SPIDR: variants seen among roughly 807,000 people sequenced by gnomAD.
SPIDR encodes the protein DNA repair-scaffolding protein.
In SPIDR, 93 loss-of-function variants were observed where a neutral mutation model predicts 104.6. That is an observed-to-expected ratio of 0.89 (90% CI 0.75 to 1.06). The LOEUF (loss-of-function observed/expected upper bound fraction) is 1.06. SPIDR is among the 50% of genes least tolerant of loss of function. SPIDR has a pLI of 0.00. For synonymous variants in SPIDR, 431 were observed against 416.9 expected, an observed-to-expected ratio of 1.03 and a Z score of -0.41; for missense variants, 1,154 against 1,111.2, an observed-to-expected ratio of 1.04 and a Z score of -0.55.
chr8:47,462,732 G>A (rs1358176082), intron 8 of SPIDR, among the ~76,000 whole-genome samples: 1 of 152,110 alleles, frequency 6.6e-6, no homozygotes, highest in Non-Finnish European at 1.5e-5. Context: ...GATTAGAGTG[G>A]AGATGAAAGA....
intron 10 of SPIDR, among the ~76,000 whole-genome samples, chr8:47,621,273 T>G (rs2065134721): frequency 6.6e-6 from 1 of 152,232 alleles, no homozygotes; most frequent in South Asian, 2.1e-4. Flanking sequence ...TGGGTTTTAG[T>G]GTGTTCACAA....
intron 5 of SPIDR, among the ~76,000 whole-genome samples, chr8:47,385,999 ATAT>A (rs1213248223): frequency 1.3e-5 from 2 of 152,076 alleles, no homozygotes; most frequent in East Asian, 3.8e-4. Flanking sequence ...CTTTATAAAA[ATAT>A]TTTGATTTTT....
intron 10 of SPIDR, among the ~76,000 whole-genome samples, chr8:47,663,893 C>T (rs1203593977): frequency 6.6e-6 from 1 of 152,218 alleles, no homozygotes; most frequent in East Asian, 1.9e-4. Flanking sequence ...CTCCAACAAA[C>T]ATTTAGCTGG....
intron 5 of SPIDR, among the ~76,000 whole-genome samples, chr8:47,294,786 A>G (rs2040543831): frequency 6.6e-6 from 1 of 152,172 alleles, no homozygotes; most frequent in Non-Finnish European, 1.5e-5. Context: ...ATGTGCCACC[A>G]CGTCTGGCTA....
intron 8 of SPIDR, among the ~76,000 whole-genome samples, chr8:47,453,048 A>G (rs1318559581): frequency 2.0e-5 from 3 of 152,184 alleles, no homozygotes; most frequent in Admixed American, 6.5e-5. Context: ...AAAAATCACA[A>G]GCATTCTTAT....
intron 5 of SPIDR, among the ~76,000 whole-genome samples, chr8:47,338,683 C>G (rs989656671): frequency 6.6e-6 from 1 of 152,286 alleles, no homozygotes; most frequent in East Asian, 1.9e-4. Context: ...TATCTATTTT[C>G]TATCTAATGT....
In SPIDR at chr8:47,276,005, C is replaced by T. The variant is rs369612721; in HGVS notation, c.34-3857C>T. ...CTGAGTAGCTGGGACTACAGGAACACGCCACCAGGCCTGGCTAATTTTTGT... is the reference window on the plus strand; with the variant it reads ...CTGAGTAGCTGGGACTACAGGAACATGCCACCAGGCCTGGCTAATTTTTGT... On this transcript the variant is annotated intron_variant, in intron 1 of 19. Coordinates refer to ENST00000297423, the MANE Select transcript of SPIDR (RefSeq NM_001080394.4). 3.9e-3 allele frequency among the ~76,000 whole-genome samples: 587 copies of T among 152,186 alleles called. 3 individuals carry two copies. The highest frequency in any genetic ancestry group is 0.022 in the South Asian group (107 of 4,816).
intron 5 of SPIDR, among the ~76,000 whole-genome samples, chr8:47,338,103 C>T (rs576259515): frequency 1.3e-4 from 20 of 152,166 alleles, no homozygotes; most frequent in Admixed American, 2.0e-4. Context: ...GTAAGCTTTT[C>T]CATTTCTGTA....
chr8:47,574,484 G>A (rs1170077752), intron 8 of SPIDR, among the ~76,000 whole-genome samples: 2 of 152,144 alleles, frequency 1.3e-5, no homozygotes, highest in African/African-American at 4.8e-5. Context: ...CAGGCCGGAT[G>A]TGGTGGCTCA....
intron 10 of SPIDR, among the ~76,000 whole-genome samples, chr8:47,640,529 A>C (rs1160155966): frequency 6.6e-6 from 1 of 152,230 alleles, no homozygotes; most frequent in Non-Finnish European, 1.5e-5. Context: ...GTGAGGAAAA[A>C]ATGTTTTGTC....
Position 47,713,327 on chromosome 8 carries a change from G to A in SPIDR, c.2189-162G>A, listed in dbSNP as rs2154488716. On this transcript the variant is annotated intron_variant, in intron 15 of 19. Coordinates refer to ENST00000297423, the MANE Select transcript of SPIDR (RefSeq NM_001080394.4). ...TGAGTGCTTTTTTAGCTTAGCTCAT[G>A]GGGTTCAGGAGTGTGCACACACAAT... 3.2e-6 allele frequency: 3 copies of A among 950,206 alleles called. No homozygotes were observed. The South Asian group carries it at 5.3e-5, about 17-fold the overall frequency. The allele number at this position is 950,206 out of a possible 1,614,324, so 58.9% of individuals were successfully genotyped here.
intron 8 of SPIDR, among the ~76,000 whole-genome samples, chr8:47,482,289 G>A (rs1321408861): frequency 6.6e-6 from 1 of 152,156 alleles, no homozygotes; most frequent in African/African-American, 2.4e-5. Context: ...GGGAGGCTGA[G>A]CCGAGCATAG....
At chr8:47,470,478 AG>A (rs1491100663) in intron 8 of SPIDR, among the ~76,000 whole-genome samples, 1 of 150,990 alleles carries the variant, frequency 6.6e-6, no homozygotes, top group African/African-American at 2.4e-5. Flanking sequence ...TGGTAGAGAC[AG>A]GGTTTCACCA....
intron 15 of SPIDR, 181 bp from the exon 16 acceptor site, chr8:47,713,308 C>CT: frequency 1.2e-6 from 1 of 814,642 alleles, no homozygotes. Context: ...CATTTGAGTG[C>CT]TTTTTTAGCT....
chr8:47,303,863 G>T (rs1420770884), intron 5 of SPIDR, among the ~76,000 whole-genome samples: 1 of 152,122 alleles, frequency 6.6e-6, no homozygotes, highest in Non-Finnish European at 1.5e-5. Flanking sequence ...TTTTAGTAGA[G>T]ACAGGGTTTC....
At chr8:47,427,745 G>A (rs141885037) in intron 7 of SPIDR, among the ~76,000 whole-genome samples, 2 of 152,200 alleles carry the variant, frequency 1.3e-5, no homozygotes, top group East Asian at 3.9e-4. Flanking sequence ...ACAGAGTGGG[G>A]TTTCCTCGGT....
intron 5 of SPIDR, among the ~76,000 whole-genome samples, chr8:47,363,089 C>A (rs1246024380): frequency 1.3e-5 from 2 of 151,982 alleles, no homozygotes; most frequent in African/African-American, 4.8e-5. Context: ...TTTCTCAGGG[C>A]TCACATTACA....
chr8:47,723,424 CTTT>C (rs1172759816), intron 16 of SPIDR, among the ~76,000 whole-genome samples: 1 of 129,400 alleles, frequency 7.7e-6, no homozygotes, highest in Non-Finnish European at 1.7e-5. Context: ...ATCAATTATA[CTTT>C]TTTTTTTTTT....
intron 10 of SPIDR, among the ~76,000 whole-genome samples, chr8:47,640,678 T>TTTTG (rs111956063): frequency 6.6e-6 from 1 of 150,590 alleles, no homozygotes; most frequent in Non-Finnish European, 1.5e-5. Flanking sequence ...TTGTTTGTTT[T>TTTTG]TTGTTGTTGT....
Sources: gnomAD v4.1 joint callset for allele counts (sites outside exome capture counted in the v4.1 genomes callset) on GRCh38, gnomAD v4.1.1 for gene constraint, MANE v1.5 for transcripts, NCBI Gene and HGNC (gene_info 2026-07-23, HGNC 2026-07-21) for gene names.